The following PTCD1 variants were observed in gnomAD, a reference collection of about 807,000 sequenced individuals.
PTCD1 encodes pentatricopeptide repeat-containing protein 1, mitochondrial.
PTCD1 carries 50 observed loss-of-function variants against 53.4 expected under a neutral mutation model. The observed-to-expected ratio is 0.94, with a 90% confidence interval of 0.75 to 1.19. The LOEUF is 1.19. PTCD1 is among the 50% of genes most tolerant of loss of function. The pLI, the probability that PTCD1 is intolerant of heterozygous loss-of-function variation, is 0.00. For missense variants in PTCD1, 918 were observed against 904.8 expected, an observed-to-expected ratio of 1.01 and a Z score of -0.19; for synonymous variants, 413 against 394.8, an observed-to-expected ratio of 1.05 and a Z score of -0.55.
At chr7:99,433,868 A>G (rs532696027) in intron 2 of PTCD1, among the ~76,000 whole-genome samples, 2 of 152,152 alleles carry the variant, frequency 1.3e-5, no homozygotes, top group Admixed American at 6.5e-5. Flanking sequence ...CCTGGCCAAC[A>G]TGGTGAAACC....
At chr7:99,428,942 C>A (rs1178181123) in intron 5 of PTCD1, among the ~76,000 whole-genome samples, 161 bp downstream of exon 5, 1 of 152,048 alleles carries the variant, frequency 6.6e-6, no homozygotes, top group Non-Finnish European at 1.5e-5. Flanking sequence ...CCTCTCCCTG[C>A]CATCTGTAGA....
chr7:99,432,292 G>T (rs1252613559), intron 3 of PTCD1, among the ~76,000 whole-genome samples: 1 of 152,192 alleles, frequency 6.6e-6, no homozygotes, highest in Non-Finnish European at 1.5e-5. Flanking sequence ...GGAATGTCTT[G>T]GGTGTAAAAC....
chr7:99,436,255 G>A (rs1017363553), intron 1 of PTCD1, among the ~76,000 whole-genome samples: 2 of 152,052 alleles, frequency 1.3e-5, no homozygotes, highest in Admixed American at 6.6e-5. Context: ...AAGTATTTTA[G>A]AGTCTGGTTA....
chr7:99,417,976 C>T lies in PTCD1; in HGVS notation c.*1991G>A. ...TTTAACATTACCATCACTATCTTTC[C>T]CGCCCCCCCAAGACGGAGTCTTGCT... On this transcript the variant is annotated 3_prime_UTR_variant, in exon 8 of 8. Coordinates refer to ENST00000292478, the MANE Select transcript of PTCD1 (RefSeq NM_015545.4). The T allele has an allele frequency of 8.5e-7, 1 of 1,183,046 alleles. No homozygotes were observed. Among genetic ancestry groups the T allele is most frequent in the Non-Finnish European group, 1.1e-6 (1 of 943,156 alleles). 73.3% of individuals were successfully genotyped at this position (1,183,046 alleles called of 1,614,324 possible).
intron 5 of PTCD1, 52 bp from the exon 6 acceptor site, chr7:99,425,668 C>T (rs754976007): frequency 5.1e-6 from 8 of 1,562,788 alleles, no homozygotes; most frequent in East Asian, 2.4e-5. Flanking sequence ...AGCAGCTGGG[C>T]GCAGGGCTCA....
At chr7:99,423,611 C>T (rs1461830414) in intron 7 of PTCD1, among the ~76,000 whole-genome samples, 164 bp downstream of exon 7, 4 of 152,026 alleles carry the variant, frequency 2.6e-5, no homozygotes, top group Non-Finnish European at 5.9e-5. Context: ...GACAGGGACT[C>T]GCAGGCTGTG....
intron 5 of PTCD1, among the ~76,000 whole-genome samples, chr7:99,426,289 G>A (rs2150951383): frequency 6.6e-6 from 1 of 152,210 alleles, no homozygotes; most frequent in Non-Finnish European, 1.5e-5. Flanking sequence ...CAACCTCCCT[G>A]CCTGATTCTC....
Position 99,434,894 on chromosome 7 carries a change from G to A in PTCD1, c.349C>T (p.Arg117Trp), listed in dbSNP as rs34943973. ...AQFHNLRFGE[R>W]RDEQMEPEPK... is the part of the protein sequence containing the mutation. ...TCCGGTTCCATTTGCTCATCTCTCC[G>A]TTCCCCAAACCGCAGGTTATGGAAC... Residue 117 changes from arginine to tryptophan, a missense_variant, in exon 2 of 8, where the codon CGG becomes TGG. Physicochemically the swap from Arg to Trp is moderately radical, Grantham distance 101. Coordinates refer to ENST00000292478, the MANE Select transcript of PTCD1 (RefSeq NM_015545.4). The A allele has an allele frequency of 0.041, 66,774 of 1,614,114 alleles. 1,550 individuals carry two copies. The highest frequency in any genetic ancestry group is 0.072 in the Admixed American group (4,303 of 60,012).
chr7:99,429,225 G>A (rs770098054), intron 4 of PTCD1, 21 bp from the exon 5 acceptor site: 46 of 1,612,866 alleles, frequency 2.9e-5, no homozygotes, highest in East Asian at 6.7e-5. Context: ...GAACAAAGAC[G>A]TCCCACTGAG....
At chr7:99,421,518 G>T (rs1051546267) in intron 7 of PTCD1, among the ~76,000 whole-genome samples, 1 of 151,496 alleles carries the variant, frequency 6.6e-6, no homozygotes, top group Non-Finnish European at 1.5e-5. Context: ...GCTGGGGTGG[G>T]TGGATCACGA....
rs1182789306 is a variant in PTCD1, at chr7:99,425,499, G to A, written c.1033C>T (p.Leu345=). The change falls in exon 6 of 8, where the codon CTG becomes TTG. Residue 345 remains leucine (L), a synonymous_variant. Transcript: ENST00000292478. ...GDPQVASELL[L]KPREEATVLQ... Reference sequence around the variant, plus strand: ...ACAGTCGCCTCCTCCCTGGGCTTCAGAAGCAGCTCTGAGGCCACCTGGGGG... The same window carrying A: ...ACAGTCGCCTCCTCCCTGGGCTTCAAAAGCAGCTCTGAGGCCACCTGGGGG... 1 of 1,612,616 alleles carries A rather than the reference G, an allele frequency of 6.2e-7. No individual in the cohort carries two copies. Among genetic ancestry groups the A allele is most frequent in the Non-Finnish European group, 8.5e-7 (1 of 1,179,318 alleles).
intron 5 of PTCD1, 133 bp from the exon 6 acceptor site, chr7:99,425,749 C>T: frequency 3.2e-6 from 4 of 1,246,906 alleles, no homozygotes; most frequent in Admixed American, 4.0e-5. Flanking sequence ...CGAGACAAGA[C>T]CGGGCAACAT....
chr7:99,427,388 T>C (rs1796087666), intron 5 of PTCD1, among the ~76,000 whole-genome samples: 1 of 143,418 alleles, frequency 7.0e-6, no homozygotes, highest in Non-Finnish European at 1.5e-5. Flanking sequence ...AGCCGCCCCG[T>C]CCGGGAGGTG....
chr7:99,417,407 T>C lies in PTCD1; in HGVS notation c.*2560A>G. ...AGGTTTTTAGACCATGGCCTGATGC[T>C]CTTTCCCCATCTTTTTGACAGAACT... On this transcript the variant is annotated 3_prime_UTR_variant, in exon 8 of 8. Coordinates refer to ENST00000292478, the MANE Select transcript of PTCD1 (RefSeq NM_015545.4). The C allele has an allele frequency of 6.2e-7, 1 of 1,612,190 alleles. No homozygotes were observed. Among genetic ancestry groups the C allele is most frequent in the South Asian group, 1.1e-5 (1 of 91,038 alleles).
chr7:99,428,813 A>T (rs1388074992), intron 5 of PTCD1, among the ~76,000 whole-genome samples: 3 of 151,406 alleles, frequency 2.0e-5, no homozygotes, highest in Non-Finnish European at 4.4e-5. Context: ...GGAGGGTTGA[A>T]CAAGTCCCCA....
chr7:99,421,187 C>A (rs999412275), intron 7 of PTCD1, among the ~76,000 whole-genome samples: 4 of 152,090 alleles, frequency 2.6e-5, no homozygotes, highest in African/African-American at 9.7e-5. Context: ...CTCCTATAAT[C>A]CCAGTGCTTT....
chr7:99,434,467 G>A (rs1796382059), intron 2 of PTCD1, among the ~76,000 whole-genome samples: 1 of 151,788 alleles, frequency 6.6e-6, no homozygotes, highest in Non-Finnish European at 1.5e-5. Flanking sequence ...CCTAAAGCAG[G>A]GAGTGCTAGA....
chr7:99,420,735 TC>T (rs1194436174), intron 7 of PTCD1, among the ~76,000 whole-genome samples: 1 of 152,094 alleles, frequency 6.6e-6, no homozygotes, highest in African/African-American at 2.4e-5. Flanking sequence ...GGTGGGCAGA[TC>T]ACTTGAGGTC....
chr7:99,419,139 G>A lies in PTCD1; in HGVS notation c.*828C>T. 1 of 547,138 alleles carries A rather than the reference G, an allele frequency of 1.8e-6. No individual in the cohort carries two copies. Among genetic ancestry groups the A allele is most frequent in the Non-Finnish European group, 3.3e-6 (1 of 304,914 alleles). 33.9% of individuals were successfully genotyped at this position (547,138 alleles called of 1,614,324 possible). A position where few individuals can be genotyped will look rare whatever the true frequency, so the allele number is the denominator to read the frequency against. On this transcript the variant is annotated 3_prime_UTR_variant, in exon 8 of 8. Transcript: ENST00000292478. ...CACACCGATTTCTTTTTCTTGATTG[G>A]CAAACGTGTGTTGGATTTGCAGAAC...
Sources: gnomAD v4.1 joint callset for allele counts (sites outside exome capture counted in the v4.1 genomes callset) on GRCh38, gnomAD v4.1.1 for gene constraint, MANE v1.5 for transcripts, NCBI Gene and HGNC (gene_info 2026-07-23, HGNC 2026-07-21) for gene names.